ASH1L: variants seen among roughly 807,000 people sequenced by gnomAD.
ASH1L encodes histone-lysine N-methyltransferase ASH1L.
In ASH1L, 23 loss-of-function variants were observed where a neutral mutation model predicts 269.0. That is an observed-to-expected ratio of 0.09 (90% CI 0.06 to 0.12). The LOEUF is 0.12. ASH1L is among the 10% of genes least tolerant of loss of function. ASH1L has a pLI of 1.00. For synonymous variants in ASH1L, 1,187 were observed against 1,253.5 expected, an observed-to-expected ratio of 0.95 and a Z score of 1.12; for missense variants, 2,912 against 3,567.8, an observed-to-expected ratio of 0.82 and a Z score of 4.68.
chr1:155,376,809 C>G (rs567766094), intron 10 of ASH1L, among the ~76,000 whole-genome samples: 101 of 149,002 alleles, frequency 6.8e-4, no homozygotes, highest in Non-Finnish European at 1.9e-4. Flanking sequence ...GAGCCAAGAT[C>G]GCGCCACTGC....
At chr1:155,468,638 TG>T (rs1664871071) in intron 3 of ASH1L, among the ~76,000 whole-genome samples, 1 of 152,150 alleles carries the variant, frequency 6.6e-6, no homozygotes, top group Non-Finnish European at 1.5e-5. Flanking sequence ...CTTGGACCAC[TG>T]GGAGACATTT....
intron 10 of ASH1L, among the ~76,000 whole-genome samples, chr1:155,372,145 C>T (rs1337244954): frequency 4.0e-5 from 6 of 151,432 alleles, no homozygotes; most frequent in Admixed American, 1.3e-4. Context: ...GCGCATACCA[C>T]AACACCCGGG....
chr1:155,387,254 G>A lies in ASH1L; in HGVS notation c.6104-7138C>T, dbSNP rs1054665365. Among the ~76,000 whole-genome samples the A allele has an allele frequency of 3.9e-5, 6 of 152,194 alleles. No homozygotes were observed. In the East Asian group the frequency reaches 9.6e-4, roughly 24 times the overall value. ...CTCCCAAAGTGCTGGGATTACAGGC[G>A]TGAGCCACCACGCCTGGCCTACATT... On this transcript the variant is annotated intron_variant, in intron 7 of 27. Transcript: ENST00000392403.
chr1:155,423,844 C>T (rs1171886931), intron 5 of ASH1L, among the ~76,000 whole-genome samples: 1 of 152,144 alleles, frequency 6.6e-6, no homozygotes, highest in Admixed American at 6.6e-5. Flanking sequence ...ATTAACCTGC[C>T]TCAGCCTCCG....
Position 155,398,610 on chromosome 1 carries a change from T to A in ASH1L, c.6009-3057A>T, listed in dbSNP as rs1658560817. 1.3e-5 allele frequency among the ~76,000 whole-genome samples: 2 copies of A among 152,102 alleles called. 1 individual carries two copies. Among genetic ancestry groups the A allele is most frequent in the South Asian group, 4.1e-4 (2 of 4,828 alleles). On this transcript the variant is annotated intron_variant, in intron 6 of 27. Transcript: ENST00000392403. ...AGTCAGTGAGTGTGTGGTGAATGAA[T>A]GTGAAAGCCTAGGAAATTACTGTAC...
At chr1:155,538,995 T>C (rs990908486) in intron 1 of ASH1L, among the ~76,000 whole-genome samples, 2 of 152,148 alleles carry the variant, frequency 1.3e-5, no homozygotes, top group African/African-American at 2.4e-5. Flanking sequence ...GTTACTATGA[T>C]AGTACACATT....
At chr1:155,361,558 G>T (rs1352014896) in intron 12 of ASH1L, among the ~76,000 whole-genome samples, 1 of 143,470 alleles carries the variant, frequency 7.0e-6, no homozygotes. Flanking sequence ...AATTAGCCAG[G>T]CATGGTGGCA....
rs1214504816 is a variant in ASH1L at position 155,478,759 on chromosome 1, A to C, written c.4111T>G (p.Phe1371Val). The change falls in exon 3 of 28, where the codon TTT becomes GTT. Residue 1371 changes from phenylalanine to valine, a missense_variant. Physicochemically the swap from Phe to Val is conservative, Grantham distance 50 (BLOSUM62 -1). Transcript: ENST00000392403. The surrounding 1 kb of genome is among the most constrained non-coding windows in gnomAD (Gnocchi z 4.6). ...TAGAATCCAGTACTAGAAAGAGGAA[A>C]ACTAAGGCTGTGCATAAAAGGCATT... ...AEMPFMHSLS[F>V]PLSSTGFYPS... 6.2e-7 allele frequency: 1 copy of C among 1,614,102 alleles called. No individual in the cohort carries two copies. The highest frequency in any genetic ancestry group is 1.1e-5 in the South Asian group (1 of 91,078).
intron 1 of ASH1L, among the ~76,000 whole-genome samples, chr1:155,538,200 T>C (rs954051345): frequency 6.6e-6 from 1 of 150,982 alleles, no homozygotes; most frequent in Non-Finnish European, 1.5e-5. Context: ...AATTTTTGTA[T>C]CTTTAGTACT....
upstream of ASH1L, chr1:155,562,837 C>A (rs1248388340): frequency 2.1e-6 from 1 of 479,058 alleles, no homozygotes; most frequent in East Asian, 6.3e-5. Flanking sequence ...CTTCTCTCCT[C>A]CCCCCCCTTC....
chr1:155,341,637 G>C, intron 25 of ASH1L, among the ~76,000 whole-genome samples: 1 of 152,020 alleles, frequency 6.6e-6, no homozygotes, highest in East Asian at 1.9e-4. Context: ...TAAAATTATG[G>C]GTGTGAAAGA....
At chr1:155,443,720 T>C (rs1662777194) in intron 4 of ASH1L, among the ~76,000 whole-genome samples, 1 of 152,210 alleles carries the variant, frequency 6.6e-6, no homozygotes, top group African/African-American at 2.4e-5. Context: ...ACGGCTTCAT[T>C]CACACAGCAT....
rs771895703 is a variant in ASH1L at position 155,336,868 on chromosome 1, GAC to G, written c.*790_*791del. 2 of 152,314 alleles carry G rather than the reference GAC, an allele frequency of 1.3e-5. No homozygotes were observed. Among genetic ancestry groups the G allele is most frequent in the African/African-American group, 2.4e-5 (1 of 41,438 alleles). The allele number at this position is 152,314 out of a possible 1,614,324, so 9.4% of individuals were successfully genotyped here. On this transcript the variant is annotated 3_prime_UTR_variant, in exon 28 of 28. Transcript: ENST00000392403. ...GAATCTCCATTTGCACAGCACAGCA[GAC>G]ACACAAGAACTACAGCGCATTAAAA...
chr1:155,424,266 T>C (rs945829881), intron 5 of ASH1L, among the ~76,000 whole-genome samples: 1 of 152,162 alleles, frequency 6.6e-6, no homozygotes, highest in Non-Finnish European at 1.5e-5. Flanking sequence ...TGATACGTAA[T>C]TTACTGGAGA....
intron 2 of ASH1L, among the ~76,000 whole-genome samples, chr1:155,519,761 C>G (rs184694398): frequency 6.6e-6 from 1 of 151,912 alleles, no homozygotes; most frequent in Non-Finnish European, 1.5e-5. Flanking sequence ...TGGATTCAAG[C>G]GATTCTCCTG....
At chr1:155,411,590 T>TAAATAAATAA (rs1558075695) in intron 6 of ASH1L, among the ~76,000 whole-genome samples, 1 of 18,168 alleles carries the variant, frequency 5.5e-5, no homozygotes, top group Non-Finnish European at 1.6e-4. Flanking sequence ...TAAATAAATA[T>TAAATAAATAA]ATATATATAT....
chr1:155,465,483 T>C (rs573251970), intron 3 of ASH1L, among the ~76,000 whole-genome samples: 7 of 152,174 alleles, frequency 4.6e-5, no homozygotes, highest in Non-Finnish European at 7.3e-5. Context: ...TGTTTGATGT[T>C]TGCAATGCTA....
intron 3 of ASH1L, among the ~76,000 whole-genome samples, chr1:155,462,307 T>C (rs907425961): frequency 6.6e-6 from 1 of 152,242 alleles, no homozygotes; most frequent in Non-Finnish European, 1.5e-5. Context: ...GTGCCATCCA[T>C]TCTTGAGCTC....
intron 5 of ASH1L, chr1:155,434,133 C>A: frequency 6.3e-7 from 1 of 1,594,760 alleles, no homozygotes; most frequent in African/African-American, 1.3e-5. Flanking sequence ...GCCCCAGGGC[C>A]CCATTTTGGT....
Sources: gnomAD v4.1 joint callset for allele counts (sites outside exome capture counted in the v4.1 genomes callset) on GRCh38, gnomAD v4.1.1 for gene constraint, Gnocchi (gnomAD v3.1) non-coding constraint, MANE v1.5 for transcripts, NCBI Gene and HGNC (gene_info 2026-07-23, HGNC 2026-07-21) for gene names.